ATXN1: variants seen among roughly 807,000 people sequenced by gnomAD.
The protein encoded by ATXN1 is ataxin 1.
ATXN1 carries 8 observed loss-of-function variants against 56.4 expected under a neutral mutation model. The ratio of observed to expected loss-of-function variants is 0.14; its 90% CI spans 0.08 to 0.26. The LOEUF is 0.26. ATXN1 is among the 10% of genes least tolerant of loss of function. The pLI, the probability that ATXN1 is intolerant of heterozygous loss-of-function variation, is 1.00. For synonymous variants in ATXN1, 514 were observed against 494.6 expected, an observed-to-expected ratio of 1.04 and a Z score of -0.52; for missense variants, 987 against 1,106.5, an observed-to-expected ratio of 0.89 and a Z score of 1.53.
chr6:16,639,658 G>C (rs1041632715), intron 3 of ATXN1, among the ~76,000 whole-genome samples: 3 of 152,200 alleles, frequency 2.0e-5, no homozygotes, highest in African/African-American at 7.2e-5. Context: ...AGGGGCCAGG[G>C]AAGTGCAGCT....
chr6:16,409,009 G>A (rs1758743989), intron 6 of ATXN1, among the ~76,000 whole-genome samples: 1 of 152,114 alleles, frequency 6.6e-6, no homozygotes, highest in South Asian at 2.1e-4. Context: ...GAATACATGG[G>A]TTCTAAGGTT....
intron 4 of ATXN1, among the ~76,000 whole-genome samples, chr6:16,534,687 T>C (rs377503855): frequency 4.0e-4 from 61 of 152,312 alleles, no homozygotes; most frequent in African/African-American, 1.4e-3. Flanking sequence ...CAGTAAACCC[T>C]ACTTCCTACC....
rs996637840 is a variant in ATXN1 at position 16,328,908 on chromosome 6, C to A, written c.-160-438G>T. ...CACCATTGTACTCCAGCCTGGGCAA[C>A]AGAGCGACACTCTGTCTCCAAAAAC... On this transcript the variant is annotated intron_variant, in intron 6 of 7. Transcript: ENST00000436367. This position sits in a 1 kb window ranked among gnomAD's most constrained non-coding sequence, Gnocchi z 6.2. Among the ~76,000 whole-genome samples, 8 of 152,110 alleles carry A rather than the reference C, an allele frequency of 5.3e-5. No individual in the cohort carries two copies. Among genetic ancestry groups the A allele is most frequent in the Non-Finnish European group, 8.8e-5 (6 of 68,018 alleles).
At chr6:16,656,316 C>A (rs1006802881) in intron 3 of ATXN1, among the ~76,000 whole-genome samples, 2 of 152,070 alleles carry the variant, frequency 1.3e-5, no homozygotes, top group African/African-American at 4.8e-5. Flanking sequence ...ATTCATTGCA[C>A]TAGAGGGAAC....
chr6:16,649,127 G>T (rs188020439), intron 3 of ATXN1, among the ~76,000 whole-genome samples: 1 of 152,068 alleles, frequency 6.6e-6, no homozygotes, highest in Non-Finnish European at 1.5e-5. Context: ...CTTTTTAGTG[G>T]TGTTTTTGAC....
chr6:16,323,656 C>T (rs1342677213), intron 7 of ATXN1, among the ~76,000 whole-genome samples: 1 of 151,678 alleles, frequency 6.6e-6, no homozygotes, highest in African/African-American at 2.4e-5. Context: ...TGCTGGCCGG[C>T]AAGGAACCAG....
intron 6 of ATXN1, among the ~76,000 whole-genome samples, chr6:16,347,987 G>A (rs971563026): frequency 6.6e-6 from 1 of 152,184 alleles, no homozygotes; most frequent in African/African-American, 2.4e-5. Flanking sequence ...CATTCCTGAA[G>A]CCAGTGAGAC....
chr6:16,719,135 T>G (rs1370739684), intron 2 of ATXN1, among the ~76,000 whole-genome samples: 2 of 152,248 alleles, frequency 1.3e-5, no homozygotes, highest in Admixed American at 6.5e-5. Context: ...AAGAGAAATC[T>G]GGCCTTTCAC....
At chr6:16,315,676 A>G (rs544457791) in intron 7 of ATXN1, among the ~76,000 whole-genome samples, 2 of 151,596 alleles carry the variant, frequency 1.3e-5, no homozygotes, top group African/African-American at 4.9e-5. Flanking sequence ...TCCTTTTTTT[A>G]TTTTGAGATA....
chr6:16,367,485 G>C (rs963114662), intron 6 of ATXN1, among the ~76,000 whole-genome samples: 4 of 152,096 alleles, frequency 2.6e-5, no homozygotes, highest in African/African-American at 9.7e-5. Context: ...GCTCACAGTT[G>C]AAGTTGTCTG....
intron 6 of ATXN1, among the ~76,000 whole-genome samples, chr6:16,372,780 G>C (rs1479348449): frequency 6.6e-6 from 1 of 152,116 alleles, no homozygotes; most frequent in East Asian, 1.9e-4. Context: ...GCTGGGCGTG[G>C]TGGCACATGT....
intron 6 of ATXN1, among the ~76,000 whole-genome samples, chr6:16,357,319 G>T (rs922510414): frequency 8.0e-5 from 12 of 150,648 alleles, no homozygotes; most frequent in Admixed American, 1.3e-4. Context: ...ACCCAGGCTG[G>T]AGTGCAGTGG....
chr6:16,556,867 C>T (rs1162864493), intron 4 of ATXN1, among the ~76,000 whole-genome samples: 2 of 152,098 alleles, frequency 1.3e-5, no homozygotes, highest in African/African-American at 2.4e-5. Flanking sequence ...GTCAATTGAA[C>T]AACTTATTAA....
At chr6:16,526,864 T>C (rs1761405494) in intron 4 of ATXN1, among the ~76,000 whole-genome samples, 1 of 151,766 alleles carries the variant, frequency 6.6e-6, no homozygotes, top group Admixed American at 6.6e-5. Flanking sequence ...GATGGCTAGA[T>C]CAAGTATTAA....
chr6:16,308,833 TAG>T (rs1479787505), intron 7 of ATXN1, among the ~76,000 whole-genome samples: 1 of 152,210 alleles, frequency 6.6e-6, no homozygotes, highest in East Asian at 1.9e-4. Context: ...GCTTCTCATA[TAG>T]AGTCATACAT....
At chr6:16,458,680 C>A (rs1034681712) in intron 6 of ATXN1, among the ~76,000 whole-genome samples, 2 of 152,130 alleles carry the variant, frequency 1.3e-5, no homozygotes, top group East Asian at 3.9e-4. Context: ...ATGGAGCAGG[C>A]CAATCACCCA....
intron 6 of ATXN1, among the ~76,000 whole-genome samples, chr6:16,371,083 G>T (rs922534926): frequency 6.6e-6 from 1 of 152,132 alleles, no homozygotes; most frequent in African/African-American, 2.4e-5. Flanking sequence ...GGCTCAATTT[G>T]CTTTCACACC....
intron 6 of ATXN1, among the ~76,000 whole-genome samples, chr6:16,359,251 G>A (rs1324541520): frequency 6.6e-6 from 1 of 152,168 alleles, no homozygotes; most frequent in East Asian, 1.9e-4. Flanking sequence ...GAAGGCTGGG[G>A]GCCGGGCTGC....
At chr6:16,724,484 T>C (rs1272283542) in intron 2 of ATXN1, among the ~76,000 whole-genome samples, 1 of 152,074 alleles carries the variant, frequency 6.6e-6, no homozygotes, top group Non-Finnish European at 1.5e-5. Context: ...ACTCCATCCA[T>C]CACAGGCAAC....
Sources: allele counts gnomAD v4.1 joint callset (sites outside exome capture counted in the v4.1 genomes callset), GRCh38; gene constraint gnomAD v4.1.1; non-coding constraint Gnocchi (gnomAD v3.1); transcripts MANE v1.5; gene names NCBI Gene and HGNC (gene_info 2026-07-23, HGNC 2026-07-21).